Variants in ARL15 observed in about 807,000 individuals in gnomAD.
The protein encoded by ARL15 is ADP-ribosylation factor-like protein 15.
A neutral mutation model predicts 25.2 loss-of-function variants in ARL15; 19 were observed. The observed-to-expected ratio is 0.75, with a 90% CI of 0.53 to 1.10. The LOEUF (loss-of-function observed/expected upper bound fraction) is 1.10, where lower values mean the gene tolerates loss of function less well. ARL15 is among the 50% of genes least tolerant of loss of function. The pLI is 0.00. For missense variants in ARL15, 220 were observed against 246.0 expected (o/e 0.89, Z 0.71); for synonymous variants, 94 against 86.8 (o/e 1.08, Z -0.46).
intron 1 of ARL15, among the ~76,000 whole-genome samples, chr5:54,253,307 C>G (rs1006707461): frequency 1.3e-5 from 2 of 152,068 alleles, no homozygotes; most frequent in Admixed American, 1.3e-4. Context: ...AAGGGGCTCA[C>G]GTTCTTCAAA....
At chr5:54,074,421 A>G (rs1751523884) in intron 4 of ARL15, among the ~76,000 whole-genome samples, 1 of 152,262 alleles carries the variant, frequency 6.6e-6, no homozygotes, top group Admixed American at 6.5e-5. Context: ...CAGATTGTCA[A>G]TAAAATGTTG....
At chr5:53,908,670 C>T (rs1403106496) in intron 4 of ARL15, among the ~76,000 whole-genome samples, 3 of 152,162 alleles carry the variant, frequency 2.0e-5, no homozygotes, top group Non-Finnish European at 4.4e-5. Flanking sequence ...GGGTGATCCA[C>T]TTGTATTCAG....
intron 4 of ARL15, among the ~76,000 whole-genome samples, chr5:54,003,666 ATC>A (rs869196637): frequency 0.31 from 16,627 of 52,848 alleles, 980 homozygotes; most frequent in East Asian, 0.47. Context: ...TTTTCTTTCT[ATC>A]TATCTATCTA....
chr5:53,997,443 A>G (rs933424677), intron 4 of ARL15, among the ~76,000 whole-genome samples: 2 of 144,520 alleles, frequency 1.4e-5, no homozygotes, highest in African/African-American at 2.5e-5. Context: ...TTATTTCCTG[A>G]TGAATAGCAG....
At chr5:54,276,489 T>G (rs1198510671) in intron 1 of ARL15, among the ~76,000 whole-genome samples, 3 of 152,182 alleles carry the variant, frequency 2.0e-5, no homozygotes, top group Non-Finnish European at 4.4e-5. Flanking sequence ...TAGGCTACAC[T>G]GGTTTTCTTT....
In ARL15 at chr5:54,096,374, C is replaced by T. The variant is rs374288032; in HGVS notation, c.462+16828G>A. 3.3e-5 allele frequency among the ~76,000 whole-genome samples: 5 copies of T among 152,274 alleles called. No homozygotes were observed. In the East Asian group the frequency reaches 9.7e-4, roughly 29 times the overall value. The stretch of plus-strand genomic sequence containing the variant: ...AAATATTGTTTGAAGAGAATGAACA[C>T]AAGTTGTTTTGTTAAATGAGCAATG... On this transcript the variant is annotated intron_variant, in intron 4 of 4. Coordinates refer to ENST00000504924, the MANE Select transcript of ARL15 (RefSeq NM_019087.3).
At chr5:54,140,438 A>G (rs1753738559) in intron 3 of ARL15, among the ~76,000 whole-genome samples, 1 of 137,454 alleles carries the variant, frequency 7.3e-6, no homozygotes, top group Non-Finnish European at 1.6e-5. Flanking sequence ...ATAGATAGAT[A>G]GATAGATAGA....
At chr5:54,018,574 G>T (rs1749496693) in intron 4 of ARL15, among the ~76,000 whole-genome samples, 1 of 152,082 alleles carries the variant, frequency 6.6e-6, no homozygotes, top group African/African-American at 2.4e-5. Context: ...CCGTGATCTG[G>T]GAAAAGGATC....
At chr5:54,305,282 C>T (rs1758726842) in intron 1 of ARL15, among the ~76,000 whole-genome samples, 1 of 151,986 alleles carries the variant, frequency 6.6e-6, no homozygotes, top group Non-Finnish European at 1.5e-5. Context: ...GGTGGATCAC[C>T]TGAGGTCAGG....
intron 1 of ARL15, among the ~76,000 whole-genome samples, chr5:54,230,741 C>T (rs1048538262): frequency 6.6e-6 from 1 of 152,170 alleles, no homozygotes; most frequent in African/African-American, 2.4e-5. Flanking sequence ...GGGCCTTTTT[C>T]TTGTTCCTAT....
intron 4 of ARL15, among the ~76,000 whole-genome samples, chr5:54,027,455 A>G (rs1003414155): frequency 6.6e-6 from 1 of 152,234 alleles, no homozygotes; most frequent in African/African-American, 2.4e-5. Flanking sequence ...AATGAACTGC[A>G]GAATATGGTA....
At position 54,165,203 on chromosome 5, in the gene ARL15, C is replaced by T. The variant is rs117623895; in HGVS notation, c.193+6581G>A. 1.9e-3 allele frequency among the ~76,000 whole-genome samples: 289 copies of T among 151,960 alleles called. 5 individuals are homozygous for T. In the East Asian group the frequency reaches 0.037, roughly 19 times the overall value. On this transcript the variant is annotated intron_variant, in intron 2 of 4. Transcript: ENST00000504924. The stretch of plus-strand genomic sequence containing the variant: ...TTTTACTTTTACATATGTTGTTAAC[C>T]CCATAATATGTGCTTATTATTGTTG...
intron 1 of ARL15, among the ~76,000 whole-genome samples, chr5:54,194,987 T>C (rs990425765): frequency 2.0e-5 from 3 of 152,296 alleles, no homozygotes; most frequent in East Asian, 3.9e-4. Context: ...TACTAGTAGA[T>C]GGAAGTCACA....
intron 3 of ARL15, among the ~76,000 whole-genome samples, chr5:54,139,502 G>C (rs1346946204): frequency 6.6e-6 from 1 of 152,116 alleles, no homozygotes; most frequent in African/African-American, 2.4e-5. Context: ...AATGAACTTT[G>C]GAGACTTAGA....
intron 4 of ARL15, among the ~76,000 whole-genome samples, chr5:54,026,382 A>C (rs538077820): frequency 3.3e-5 from 5 of 152,034 alleles, no homozygotes; most frequent in Admixed American, 2.0e-4. Flanking sequence ...GATCCTCCCA[A>C]CTCAGCTTCC....
intron 1 of ARL15, among the ~76,000 whole-genome samples, chr5:54,267,703 A>ATT: frequency 6.6e-6 from 1 of 152,248 alleles, no homozygotes; most frequent in South Asian, 2.1e-4. Flanking sequence ...TCTGTAAAGA[A>ATT]TTTTATTTCT....
intron 1 of ARL15, among the ~76,000 whole-genome samples, chr5:54,205,171 G>A (rs1337205174): frequency 1.3e-5 from 2 of 152,068 alleles, no homozygotes; most frequent in Non-Finnish European, 2.9e-5. Context: ...GGCATGAAGA[G>A]CGCTCACTTT....
intron 4 of ARL15, among the ~76,000 whole-genome samples, chr5:54,008,646 C>T (rs540374919): frequency 3.9e-5 from 6 of 152,224 alleles, no homozygotes; most frequent in South Asian, 4.2e-4. Flanking sequence ...CTAACAGATG[C>T]GACAAATCAC....
At chr5:53,972,631 CATT>C (rs1448810294) in intron 4 of ARL15, among the ~76,000 whole-genome samples, 1 of 151,804 alleles carries the variant, frequency 6.6e-6, no homozygotes, top group East Asian at 1.9e-4. Flanking sequence ...TAATATAAAA[CATT>C]ATAATTATGA....
Sources: gnomAD v4.1 joint callset for allele counts (sites outside exome capture counted in the v4.1 genomes callset) on GRCh38, gnomAD v4.1.1 for gene constraint, MANE v1.5 for transcripts, NCBI Gene and HGNC (gene_info 2026-07-23, HGNC 2026-07-21) for gene names.